The following TSHZ1 variants were observed in gnomAD, a reference collection of about 807,000 sequenced individuals.
TSHZ1 encodes teashirt zinc finger homeobox 1.
Under a neutral mutation model 67.1 loss-of-function variants are expected in TSHZ1, and 12 were observed. That is an observed-to-expected ratio of 0.18 (90% CI 0.11 to 0.29). TSHZ1 has a LOEUF of 0.29. TSHZ1 is among the 10% of genes least tolerant of loss of function. TSHZ1 has a pLI of 1.00. For missense variants in TSHZ1, 1,305 were observed against 1,413.9 expected, an observed-to-expected ratio of 0.92 and a Z score of 1.23; for synonymous variants, 632 against 622.4, an observed-to-expected ratio of 1.02 and a Z score of -0.23.
At chr18:75,244,353 A>T (rs1056651265) in intron 1 of TSHZ1, among the ~76,000 whole-genome samples, 1 of 152,182 alleles carries the variant, frequency 6.6e-6, no homozygotes, top group South Asian at 2.1e-4. Flanking sequence ...TTCTTGCAAC[A>T]ACCATTTTTG....
rs751078268 is a variant in TSHZ1 at position 75,288,687 on chromosome 18, C to T, written c.*46C>T. On this transcript the variant is annotated 3_prime_UTR_variant, in exon 2 of 2. Transcript: ENST00000580243. This position sits in a 1 kb window ranked among gnomAD's most constrained non-coding sequence, Gnocchi z 4.9. ...CGCGGAACATTGCACTAAACGTCGT[C>T]GAGCTGCACTAGGCCTGGCCTGAGC... 26 of 1,530,956 alleles carry T rather than the reference C, an allele frequency of 1.7e-5. No homozygotes were observed. The highest frequency in any genetic ancestry group is 6.9e-5 in the African/African-American group (5 of 72,272). The allele number at this position is 1,530,956 out of a possible 1,614,324, so 94.8% of individuals were successfully genotyped here. A position where few individuals can be genotyped will look rare whatever the true frequency, so the allele number is the denominator to read the frequency against.
intron 1 of TSHZ1, among the ~76,000 whole-genome samples, chr18:75,237,961 T>C (rs182862937): frequency 7.2e-5 from 11 of 152,196 alleles, no homozygotes; most frequent in African/African-American, 1.2e-4. Context: ...TACAGGCCTG[T>C]GCCACCATGC....
At chr18:75,243,981 A>G (rs1479144837) in intron 1 of TSHZ1, among the ~76,000 whole-genome samples, 3 of 152,236 alleles carry the variant, frequency 2.0e-5, no homozygotes, top group Non-Finnish European at 4.4e-5. Flanking sequence ...GTATAAAAAA[A>G]TACATGATAC....
chr18:75,215,933 C>T (rs1343281838), intron 1 of TSHZ1, among the ~76,000 whole-genome samples: 1 of 150,512 alleles, frequency 6.6e-6, no homozygotes, highest in Non-Finnish European at 1.5e-5. Context: ...GTGCTGGAGT[C>T]TCTGTGCTTA....
chr18:75,233,738 T>C (rs1000625259), intron 1 of TSHZ1, among the ~76,000 whole-genome samples: 1 of 152,138 alleles, frequency 6.6e-6, no homozygotes, highest in African/African-American at 2.4e-5. Flanking sequence ...AGGAGTGACG[T>C]GGGGCTTCCT....
chr18:75,267,469 C>T (rs566954435), intron 1 of TSHZ1, among the ~76,000 whole-genome samples: 3 of 152,138 alleles, frequency 2.0e-5, no homozygotes, highest in Admixed American at 6.5e-5. Flanking sequence ...GCTTCCAGAG[C>T]GTAAACAGTG....
In TSHZ1 at chr18:75,288,502, A is replaced by G. The variant is rs1166556204; in HGVS notation, c.3095A>G (p.Asp1032Gly). The stretch of plus-strand genomic sequence containing the variant: ...GGCCCACTGGGGGCCACCGAGGAAG[A>G]CTTGGGCTCCACATTCCAATGTAAG... Reference protein sequence around the residue: ...TLGPLGATEEDLGSTFQCKLC... With the variant: ...TLGPLGATEEGLGSTFQCKLC... Residue 1032 changes from aspartate (D) to glycine (G), a missense_variant, in exon 2 of 2, where the codon GAC (aspartate) becomes GGC (glycine). Physicochemically the swap from Asp to Gly is moderately conservative, Grantham distance 94. Around this residue, in one of 3 missense-constraint regions of TSHZ1, gnomAD observed 909 missense variants for 961.8 expected, o/e 0.95. Transcript: ENST00000580243. This position sits in a 1 kb window ranked among gnomAD's most constrained non-coding sequence, Gnocchi z 4.9. The G allele has an allele frequency of 1.9e-6, 3 of 1,614,246 alleles. No individual in the cohort carries two copies. The East Asian group carries it at 6.7e-5, about 36-fold the overall frequency.
intron 1 of TSHZ1, among the ~76,000 whole-genome samples, chr18:75,212,653 G>A (rs1837839003): frequency 6.6e-6 from 1 of 152,148 alleles, no homozygotes; most frequent in Admixed American, 6.5e-5. Context: ...CACTCACCAT[G>A]GAAACACACA....
Position 75,289,753 on chromosome 18 carries a change from C to T in TSHZ1, c.*1112C>T, listed in dbSNP as rs2023836762. ...AATAGAGGACTTTTACTGGCACCTG[C>T]ATCTCTCCAGATGCATGTACTCAGA... On this transcript the variant is annotated 3_prime_UTR_variant, in exon 2 of 2. Coordinates refer to ENST00000580243, the MANE Select transcript of TSHZ1 (RefSeq NM_001308210.2). 6.0e-6 allele frequency: 1 copy of T among 167,060 alleles called. No homozygotes were observed. Among genetic ancestry groups the T allele is most frequent in the South Asian group, 2.1e-4 (1 of 4,832 alleles). The allele number at this position is 167,060 out of a possible 1,614,324, so 10.3% of individuals were successfully genotyped here. A position where few individuals can be genotyped will look rare whatever the true frequency, so the allele number is the denominator to read the frequency against.
intron 1 of TSHZ1, among the ~76,000 whole-genome samples, chr18:75,217,101 T>C (rs1299120869): frequency 2.0e-5 from 3 of 152,236 alleles, no homozygotes; most frequent in African/African-American, 7.2e-5. Flanking sequence ...CCAAGAGTTT[T>C]GGCTGCTGAA....
chr18:75,222,443 C>T (rs187593012), intron 1 of TSHZ1, among the ~76,000 whole-genome samples: 13 of 152,190 alleles, frequency 8.5e-5, no homozygotes, highest in Admixed American at 3.3e-4. Context: ...CTTAAAACTG[C>T]GATGTTCACA....
At chr18:75,235,985 C>CG (rs1397520335) in intron 1 of TSHZ1, among the ~76,000 whole-genome samples, 2 of 152,234 alleles carry the variant, frequency 1.3e-5, no homozygotes, top group Admixed American at 6.5e-5. Context: ...CTTGCCTCCA[C>CG]ACCCACATTG....
chr18:75,261,230 A>G (rs1418902631), intron 1 of TSHZ1, among the ~76,000 whole-genome samples: 3 of 152,188 alleles, frequency 2.0e-5, no homozygotes, highest in Non-Finnish European at 4.4e-5. Flanking sequence ...AGTAGGTAAG[A>G]GAACTGTATC....
At chr18:75,246,407 T>TGTGTGTGTGTGTGTGG (rs2023223855) in intron 1 of TSHZ1, among the ~76,000 whole-genome samples, 1 of 65,476 alleles carries the variant, frequency 1.5e-5, no homozygotes, top group Admixed American at 1.4e-4. Context: ...GTTTCTGGTG[T>TGTGTGTGTGTGTGTGG]GTGTGTGTGT....
At chr18:75,222,344 T>A (rs887728821) in intron 1 of TSHZ1, among the ~76,000 whole-genome samples, 4 of 152,220 alleles carry the variant, frequency 2.6e-5, no homozygotes, top group African/African-American at 9.6e-5. Flanking sequence ...GGAGAGTAGG[T>A]GCAGAGAGGG....
intron 1 of TSHZ1, among the ~76,000 whole-genome samples, chr18:75,229,269 CT>C (rs2022965501): frequency 6.6e-6 from 1 of 152,232 alleles, no homozygotes; most frequent in Admixed American, 6.5e-5. Flanking sequence ...CCCTCTTTGG[CT>C]TTTTAAATAG....
intron 1 of TSHZ1, 76 bp from the exon 2 acceptor site, chr18:75,285,372 T>A: frequency 1.4e-6 from 2 of 1,404,522 alleles, no homozygotes; most frequent in South Asian, 3.3e-5. Flanking sequence ...TTTTTAAAGA[T>A]CATCTAACTG....
intron 1 of TSHZ1, among the ~76,000 whole-genome samples, chr18:75,215,938 T>A (rs896276436): frequency 6.6e-6 from 1 of 151,514 alleles, no homozygotes; most frequent in African/African-American, 2.4e-5. Context: ...GGAGTCTCTG[T>A]GCTTATACTC....
chr18:75,259,584 A>G (rs1324320997), intron 1 of TSHZ1, among the ~76,000 whole-genome samples: 1 of 152,180 alleles, frequency 6.6e-6, no homozygotes, highest in Non-Finnish European at 1.5e-5. Context: ...GGGTGAGTAC[A>G]GTGTGATAGT....
Sources: allele counts gnomAD v4.1 joint callset (sites outside exome capture counted in the v4.1 genomes callset), GRCh38; gene constraint gnomAD v4.1.1; regional missense constraint gnomAD v4.1.1; non-coding constraint Gnocchi (gnomAD v3.1); transcripts MANE v1.5; gene names NCBI Gene and HGNC (gene_info 2026-07-23, HGNC 2026-07-21).